The following SLC2A13 variants were observed in gnomAD, a reference collection of about 807,000 sequenced individuals.
SLC2A13 encodes proton myo-inositol cotransporter.
Under a neutral mutation model 64.4 loss-of-function variants are expected in SLC2A13, and 32 were observed. The observed-to-expected ratio is 0.50, with a 90% confidence interval of 0.37 to 0.67. SLC2A13 has a LOEUF of 0.67. Among genes scored for constraint, SLC2A13 ranks in the 30% least tolerant of loss-of-function variants. SLC2A13 has a pLI of 0.00. For synonymous variants in SLC2A13, 338 were observed against 327.1 expected (o/e 1.03, Z -0.36); for missense variants, 743 against 829.2 (o/e 0.90, Z 1.28).
intron 7 of SLC2A13, among the ~76,000 whole-genome samples, chr12:39,801,247 T>A (rs868756136): frequency 1.2e-3 from 162 of 130,306 alleles, no homozygotes; most frequent in African/African-American, 1.6e-3. Context: ...AGAGTATAAT[T>A]AAAAAAAAAA....
rs1364241686 is a variant in SLC2A13, at chr12:39,896,279, CATGT to C, written c.1035-24322_1035-24319del. Among the ~76,000 whole-genome samples the C allele has an allele frequency of 7.9e-4, 63 of 79,970 alleles. 1 individual carries two copies. Among genetic ancestry groups the C allele is most frequent in the Non-Finnish European group, 1.4e-3 (52 of 37,578 alleles). The allele number at this position is 79,970 out of a possible 152,430, so 52.5% of individuals were successfully genotyped here. A position where few individuals can be genotyped will look rare whatever the true frequency, so the allele number is the denominator to read the frequency against. ...ATGTATATGTGTGTATATATGTATA[CATGT>C]ATGTATATGTGTGTATATATGTATA... On this transcript the variant is annotated intron_variant, in intron 4 of 9. Coordinates refer to ENST00000280871, the MANE Select transcript of SLC2A13 (RefSeq NM_052885.4).
intron 7 of SLC2A13, among the ~76,000 whole-genome samples, chr12:39,793,652 G>A (rs1399523641): frequency 3.3e-5 from 5 of 152,090 alleles, no homozygotes; most frequent in African/African-American, 4.8e-5. Context: ...TATATATTGC[G>A]TTAGGTAGAT....
At chr12:39,763,156 C>G (rs749863083) in intron 9 of SLC2A13, among the ~76,000 whole-genome samples, 1 of 151,814 alleles carries the variant, frequency 6.6e-6, no homozygotes, top group Non-Finnish European at 1.5e-5. Context: ...ATGAATTTAT[C>G]GAAAAATTTT....
rs1940065173 is a variant in SLC2A13 at position 39,759,683 on chromosome 12, C to T, written c.*343G>A. The stretch of plus-strand genomic sequence containing the variant: ...TGTAATTTGGCTAGATTAGCACTGA[C>T]TCTGTTGCCACTAATAATTATAAAT... On this transcript the variant is annotated 3_prime_UTR_variant, in exon 10 of 10. Transcript: ENST00000280871. 1 of 225,468 alleles carries T rather than the reference C, an allele frequency of 4.4e-6. No individual in the cohort carries two copies. Among genetic ancestry groups the T allele is most frequent in the African/African-American group, 2.4e-5 (1 of 42,498 alleles). The allele number at this position is 225,468 out of a possible 1,614,324, so 14.0% of individuals were successfully genotyped here.
At chr12:39,982,403 G>A (rs1196317555) in intron 3 of SLC2A13, among the ~76,000 whole-genome samples, 5 of 147,246 alleles carry the variant, frequency 3.4e-5, no homozygotes, top group South Asian at 2.2e-4. Flanking sequence ...GTTTGCAGAC[G>A]ACATGATTGT....
chr12:39,909,989 A>C (rs1302683418), intron 4 of SLC2A13, among the ~76,000 whole-genome samples: 2 of 151,962 alleles, frequency 1.3e-5, no homozygotes, highest in Non-Finnish European at 2.9e-5. Context: ...AATCATAGAT[A>C]TCTTTTTTAA....
intron 3 of SLC2A13, among the ~76,000 whole-genome samples, chr12:40,008,987 A>G (rs1947472800): frequency 6.6e-6 from 1 of 152,238 alleles, no homozygotes. Context: ...AGAAGTTTAA[A>G]GGGATGGACT....
At chr12:39,866,380 A>G (rs1165658467) in intron 5 of SLC2A13, among the ~76,000 whole-genome samples, 1 of 152,224 alleles carries the variant, frequency 6.6e-6, no homozygotes, top group Non-Finnish European at 1.5e-5. Flanking sequence ...GATAAAGGAC[A>G]CAACCTTTCC....
Position 40,023,461 on chromosome 12 carries a change from A to G in SLC2A13, c.925+4840T>C, listed in dbSNP as rs549573766. Among the ~76,000 whole-genome samples, 5 of 152,328 alleles carry G rather than the reference A, an allele frequency of 3.3e-5. No homozygotes were observed. In the East Asian group the frequency reaches 9.7e-4, roughly 29 times the overall value. ...GTACACTTGTTCGCTGGTACAGGATAAGAAACTAAAGAAGTCAAATAAGTG... is the reference window on the plus strand; with the variant it reads ...GTACACTTGTTCGCTGGTACAGGATGAGAAACTAAAGAAGTCAAATAAGTG... On this transcript the variant is annotated intron_variant, in intron 3 of 9. Coordinates refer to ENST00000280871, the MANE Select transcript of SLC2A13 (RefSeq NM_052885.4).
At chr12:39,768,412 A>T (rs989964531) in intron 7 of SLC2A13, among the ~76,000 whole-genome samples, 1 of 152,080 alleles carries the variant, frequency 6.6e-6, no homozygotes, top group African/African-American at 2.4e-5. Context: ...CAATTTGGCT[A>T]TTTGGTGCAA....
At chr12:39,824,538 A>C (rs1942615957) in intron 7 of SLC2A13, among the ~76,000 whole-genome samples, 1 of 152,176 alleles carries the variant, frequency 6.6e-6, no homozygotes, top group Admixed American at 6.5e-5. Flanking sequence ...AAGGAGGTTA[A>C]GCTAGTCTTG....
chr12:40,044,898 T>G (rs1021018001), intron 2 of SLC2A13, among the ~76,000 whole-genome samples: 2 of 152,122 alleles, frequency 1.3e-5, no homozygotes, highest in African/African-American at 4.8e-5. Context: ...AGCAGAACCA[T>G]GAGGAAGAAA....
At chr12:40,000,819 T>C (rs1947310867) in intron 3 of SLC2A13, among the ~76,000 whole-genome samples, 1 of 152,230 alleles carries the variant, frequency 6.6e-6, no homozygotes, top group African/African-American at 2.4e-5. Flanking sequence ...AGTCACATTA[T>C]AAGGAACTGG....
chr12:39,999,546 A>G (rs533450394), intron 3 of SLC2A13, among the ~76,000 whole-genome samples: 11 of 152,216 alleles, frequency 7.2e-5, no homozygotes, highest in Admixed American at 6.5e-4. Flanking sequence ...TTAGGGTGGG[A>G]AAAAAACCTG....
chr12:39,974,996 C>A lies in SLC2A13; in HGVS notation c.926-23631G>T, dbSNP rs28370623. Among the ~76,000 whole-genome samples the A allele has an allele frequency of 5.2e-3, 798 of 152,236 alleles. 4 individuals are homozygous for A. The highest frequency in any genetic ancestry group is 7.9e-3 in the Non-Finnish European group (539 of 68,018). On this transcript the variant is annotated intron_variant, in intron 3 of 9. Transcript: ENST00000280871. ...AAATTTTACTTTTCCATTCAGAAAT[C>A]TTAAAGTTCATATTAGCATCAAAAG...
intron 7 of SLC2A13, among the ~76,000 whole-genome samples, chr12:39,781,395 C>CT (rs57249718): frequency 0.98 from 149,237 of 152,312 alleles, 73,122 homozygotes; most frequent in East Asian, 1. Flanking sequence ...TGGCCTGCCC[C>CT]CTCCAGCCTT....
At chr12:39,961,977 C>A (rs750162675) in intron 3 of SLC2A13, among the ~76,000 whole-genome samples, 17 of 152,122 alleles carry the variant, frequency 1.1e-4, no homozygotes, top group Non-Finnish European at 2.5e-4. Context: ...CACATATACC[C>A]CATAAATATG....
chr12:40,093,711 G>A (rs962310407), intron 1 of SLC2A13, among the ~76,000 whole-genome samples: 6 of 151,472 alleles, frequency 4.0e-5, no homozygotes, highest in South Asian at 2.1e-4. Flanking sequence ...AGAGGAAACC[G>A]CCCATAAAAA....
At chr12:39,873,714 A>G (rs867830479) in intron 4 of SLC2A13, among the ~76,000 whole-genome samples, 1 of 152,204 alleles carries the variant, frequency 6.6e-6, no homozygotes, top group Non-Finnish European at 1.5e-5. Context: ...ACAAGTGTTA[A>G]ATGAAGGGAT....
Sources: gnomAD v4.1 joint callset for allele counts (sites outside exome capture counted in the v4.1 genomes callset) on GRCh38, gnomAD v4.1.1 for gene constraint, MANE v1.5 for transcripts, NCBI Gene and HGNC (gene_info 2026-07-23, HGNC 2026-07-21) for gene names.